FBXL18: variants seen among roughly 807,000 people sequenced by gnomAD.
FBXL18 encodes F-box/LRR-repeat protein 18.
A neutral mutation model predicts 46.0 loss-of-function variants in FBXL18; 36 were observed. The observed-to-expected ratio is 0.78, with a 90% confidence interval of 0.60 to 1.03. FBXL18 has a LOEUF of 1.03. Among genes scored for constraint, FBXL18 ranks in the 50% least tolerant of loss-of-function variants. The pLI, the probability that FBXL18 is intolerant of heterozygous loss-of-function variation, is 0.00. For synonymous variants in FBXL18, 557 were observed against 465.3 expected (o/e 1.20, Z -2.54); for missense variants, 977 against 1,004.1 (o/e 0.97, Z 0.36).
intron 3 of FBXL18, among the ~76,000 whole-genome samples, chr7:5,494,389 A>G (rs923275449): frequency 1.5e-4 from 23 of 152,180 alleles, no homozygotes; most frequent in Non-Finnish European, 7.3e-5. Context: ...CTGAGATCAC[A>G]CCACTGCACT....
intron 4 of FBXL18, among the ~76,000 whole-genome samples, chr7:5,482,152 C>A (rs1207048158): frequency 6.6e-6 from 1 of 152,192 alleles, no homozygotes; most frequent in Non-Finnish European, 1.5e-5. Context: ...GAACAGGCCA[C>A]ACGCTTCTCT....
chr7:5,461,262 A>G (rs1783239502), intron 4 of FBXL18, among the ~76,000 whole-genome samples: 1 of 152,070 alleles, frequency 6.6e-6, no homozygotes, highest in South Asian at 2.1e-4. Flanking sequence ...CACTTCCTTA[A>G]TCGGCTGCAT....
At chr7:5,465,955 T>C (rs1374068489) in intron 4 of FBXL18, among the ~76,000 whole-genome samples, 1 of 151,858 alleles carries the variant, frequency 6.6e-6, no homozygotes, top group African/African-American at 2.4e-5. Context: ...GTAGCTGGGA[T>C]TACAGGCGCC....
At chr7:5,492,797 G>C (rs1012815108) in intron 3 of FBXL18, among the ~76,000 whole-genome samples, 5 of 152,142 alleles carry the variant, frequency 3.3e-5, no homozygotes, top group Non-Finnish European at 5.9e-5. Flanking sequence ...GCAGTGCCAG[G>C]CGTGGCTGGC....
intron 4 of FBXL18, among the ~76,000 whole-genome samples, chr7:5,459,399 T>A (rs1216071443): frequency 6.6e-6 from 1 of 152,024 alleles, no homozygotes; most frequent in Non-Finnish European, 1.5e-5. Context: ...GGTCAGGAGT[T>A]TGAGATCAGC....
intron 4 of FBXL18, among the ~76,000 whole-genome samples, chr7:5,458,057 T>C (rs1262522127): frequency 6.6e-6 from 1 of 151,502 alleles, no homozygotes; most frequent in Non-Finnish European, 1.5e-5. Flanking sequence ...AGAGGAGAAT[T>C]GTTCATTTCA....
At chr7:5,513,472 G>C (rs1032231799) in intron 1 of FBXL18, among the ~76,000 whole-genome samples, 185 bp downstream of exon 1, 8 of 152,168 alleles carry the variant, frequency 5.3e-5, no homozygotes, top group Admixed American at 2.0e-4. Flanking sequence ...GACAGGGTAG[G>C]AGTCTTGGGG....
chr7:5,464,586 C>A (rs1783313594), intron 4 of FBXL18, among the ~76,000 whole-genome samples: 1 of 144,558 alleles, frequency 6.9e-6, no homozygotes, highest in South Asian at 2.2e-4. Context: ...TTGCTTCAAC[C>A]CAGGAGACGA....
chr7:5,509,670 C>A (rs986991795), intron 1 of FBXL18, among the ~76,000 whole-genome samples: 3 of 143,478 alleles, frequency 2.1e-5, no homozygotes, highest in Admixed American at 7.2e-5. Context: ...CCACTGCACT[C>A]CAGCCTGGGT....
intron 4 of FBXL18, among the ~76,000 whole-genome samples, chr7:5,485,319 G>A (rs28510607): frequency 0.49 from 73,915 of 151,918 alleles, 18,258 homozygotes; most frequent in East Asian, 0.7. Context: ...GGCAGTCAGA[G>A]GGCACTCCTG....
At chr7:5,487,968 G>A (rs1437865009) in intron 4 of FBXL18, among the ~76,000 whole-genome samples, 2 of 152,248 alleles carry the variant, frequency 1.3e-5, no homozygotes, top group African/African-American at 4.8e-5. Flanking sequence ...AGCAAGCATG[G>A]GTGATCAAGG....
chr7:5,500,685 G>T lies in FBXL18; in HGVS notation c.1584C>A (p.Gly528=). The T allele has an allele frequency of 6.2e-7, 1 of 1,610,430 alleles. No homozygotes were observed. Among genetic ancestry groups the T allele is most frequent in the African/African-American group, 1.3e-5 (1 of 75,026 alleles). ...SVGDSEVAAI[G]QLAFLRHLTL... is the part of the protein sequence containing the mutation. ...TCAGGTGCCGCAGGAAGGCCAGCTG[G>T]CCGATGGCGGCCACCTCCGAGTCCC... The change falls in exon 3 of 5, where the codon GGC becomes GGA. Residue 528 remains glycine (G), a synonymous_variant. Transcript: ENST00000382368.
intron 3 of FBXL18, 61 bp downstream of exon 3, chr7:5,500,427 C>A: frequency 2.7e-6 from 4 of 1,458,570 alleles, no homozygotes; most frequent in South Asian, 2.7e-5. Flanking sequence ...TCCACGCGAA[C>A]GCCCCAGTTC....
chr7:5,481,921 C>T lies in FBXL18; in HGVS notation c.2011G>A (p.Glu671Lys), dbSNP rs747813666. Residue 671 changes from glutamate to lysine, a missense_variant, in exon 5 of 5, where the codon GAG (glutamate) becomes AAG (lysine). By Grantham distance (56) the Glu-to-Lys change is moderately conservative (BLOSUM62 1). Coordinates refer to ENST00000382368, the MANE Select transcript of FBXL18 (RefSeq NM_024963.6). ...ATGACGACGTTTAACGCGGGCCGCT[C>T]GGCCTGGAAGCTGAACCAGAGACAG... is the stretch of plus-strand genomic sequence containing the variant. Reference protein sequence around the residue: ...QQSLLRSFQAERPALNVVIFP... With the variant: ...QQSLLRSFQAKRPALNVVIFP... The T allele has an allele frequency of 7.5e-6, 12 of 1,605,892 alleles. No homozygotes were observed. The highest frequency in any genetic ancestry group is 1.7e-4 in the Middle Eastern group (1 of 6,010).
At chr7:5,482,912 C>A (rs1783684798) in intron 4 of FBXL18, among the ~76,000 whole-genome samples, 4 of 151,886 alleles carry the variant, frequency 2.6e-5, no homozygotes, top group Admixed American at 2.6e-4. Context: ...GTGGTGCATG[C>A]CTGTCACCTC....
At chr7:5,459,279 C>T (rs2128230726) in intron 4 of FBXL18, among the ~76,000 whole-genome samples, 1 of 152,318 alleles carries the variant, frequency 6.6e-6, no homozygotes, top group East Asian at 1.9e-4. Flanking sequence ...CTGGCCTTGG[C>T]TCAGCCCCAG....
chr7:5,482,879 T>A (rs1255567335), intron 4 of FBXL18, among the ~76,000 whole-genome samples: 1 of 151,112 alleles, frequency 6.6e-6, no homozygotes, highest in African/African-American at 2.4e-5. Flanking sequence ...CTATAAAAAA[T>A]TTTAAAAAAT....
At chr7:5,507,991 A>C (rs1452406840) in intron 1 of FBXL18, among the ~76,000 whole-genome samples, 1 of 151,174 alleles carries the variant, frequency 6.6e-6, no homozygotes, top group Non-Finnish European at 1.5e-5. Flanking sequence ...AAATTAGGCC[A>C]GACGTGGTGG....
chr7:5,495,634 G>C (rs1333276763), intron 3 of FBXL18, among the ~76,000 whole-genome samples: 1 of 152,192 alleles, frequency 6.6e-6, no homozygotes, highest in Non-Finnish European at 1.5e-5. Flanking sequence ...GGGATTCCAA[G>C]CTCTGCCACC....
Sources: gnomAD v4.1 joint callset for allele counts (sites outside exome capture counted in the v4.1 genomes callset) on GRCh38, gnomAD v4.1.1 for gene constraint, MANE v1.5 for transcripts, NCBI Gene and HGNC (gene_info 2026-07-23, HGNC 2026-07-21) for gene names.